Variants in ATP11B observed in about 807,000 individuals in gnomAD.
ATP11B encodes ATPase phospholipid transporting 11B (putative), also known as phospholipid-transporting ATPase IF.
A neutral mutation model predicts 157.8 loss-of-function variants in ATP11B; 81 were observed. The ratio of observed to expected loss-of-function variants is 0.51; its 90% CI spans 0.43 to 0.62. ATP11B has a LOEUF of 0.62. Among genes scored for constraint, ATP11B ranks in the 20% least tolerant of loss-of-function variants. The probability of loss-of-function intolerance (pLI) is 0.00; values close to 1 mark genes in which losing one functional copy is unlikely to be tolerated. For synonymous variants in ATP11B, 451 were observed against 469.4 expected (o/e 0.96, Z 0.51); for missense variants, 1,165 against 1,402.2 (o/e 0.83, Z 2.70).
At chr3:182,903,884 T>A (rs762054186) in intron 28 of ATP11B, among the ~76,000 whole-genome samples, 4 of 152,260 alleles carry the variant, frequency 2.6e-5, no homozygotes, top group Non-Finnish European at 5.9e-5. Context: ...AATTATATTT[T>A]TATGAAATCA....
Position 182,918,077 on chromosome 3 carries a change from C to G in ATP11B, c.3507C>G (p.Leu1169=). ...FYTNDRSILT[L]STMDSSTC Reference sequence around the variant, plus strand: ...CCAACGACAGGAGCATCTTGACTCTCTCCACAATGGACTCATCTACTTGTT... The same window carrying G: ...CCAACGACAGGAGCATCTTGACTCTGTCCACAATGGACTCATCTACTTGTT... Residue 1169 remains leucine, a synonymous_variant, in exon 30 of 30, where the codon CTC becomes CTG. Coordinates refer to ENST00000323116, the MANE Select transcript of ATP11B (RefSeq NM_014616.3). 1 of 1,613,488 alleles carries G rather than the reference C, an allele frequency of 6.2e-7. No individual in the cohort carries two copies. Among genetic ancestry groups the G allele is most frequent in the South Asian group, 1.1e-5 (1 of 91,002 alleles).
chr3:182,893,432 C>T (rs1049463669), intron 25 of ATP11B, among the ~76,000 whole-genome samples: 1 of 152,100 alleles, frequency 6.6e-6, no homozygotes. Context: ...TGAGTGAGAA[C>T]ATAAGATGTT....
At chr3:182,797,369 T>C (rs1328769089) in intron 1 of ATP11B, among the ~76,000 whole-genome samples, 2 of 152,198 alleles carry the variant, frequency 1.3e-5, no homozygotes, top group Non-Finnish European at 2.9e-5. Flanking sequence ...GTAGAGTTAT[T>C]CTTACGTATA....
chr3:182,880,229 T>G (rs770882677), intron 20 of ATP11B, among the ~76,000 whole-genome samples: 11 of 152,218 alleles, frequency 7.2e-5, no homozygotes, highest in Non-Finnish European at 1.6e-4. Context: ...CAAATATCCT[T>G]TGCAGTGCAC....
chr3:182,820,082 C>T (rs1446205706), intron 1 of ATP11B, among the ~76,000 whole-genome samples, 178 bp from the exon 2 acceptor site: 1 of 151,740 alleles, frequency 6.6e-6, no homozygotes, highest in Non-Finnish European at 1.5e-5. Flanking sequence ...TACCTGTTTA[C>T]CTGTGAAAGA....
At chr3:182,888,212 C>T (rs1319908267) in intron 24 of ATP11B, among the ~76,000 whole-genome samples, 1 of 152,148 alleles carries the variant, frequency 6.6e-6, no homozygotes, top group Non-Finnish European at 1.5e-5. Flanking sequence ...ATGGTATTCA[C>T]CATAAGCTCT....
intron 28 of ATP11B, among the ~76,000 whole-genome samples, chr3:182,911,550 G>C (rs1042111999): frequency 6.6e-6 from 1 of 152,068 alleles, no homozygotes; most frequent in Non-Finnish European, 1.5e-5. Flanking sequence ...TGATCATGAT[G>C]CCTATTCCTA....
chr3:182,807,696 G>T (rs983503997), intron 1 of ATP11B, among the ~76,000 whole-genome samples: 3 of 151,990 alleles, frequency 2.0e-5, no homozygotes, highest in Non-Finnish European at 2.9e-5. Context: ...ATCTATTAAG[G>T]TTATATTTTA....
At chr3:182,908,640 G>A (rs1417190459) in intron 28 of ATP11B, 1 of 152,184 alleles carries the variant, frequency 6.6e-6, no homozygotes, top group East Asian at 1.9e-4. Context: ...TTAGAAGAGT[G>A]AATATGAGCT....
intron 10 of ATP11B, among the ~76,000 whole-genome samples, chr3:182,856,047 A>T (rs1019931796): frequency 1.3e-5 from 2 of 152,178 alleles, no homozygotes; most frequent in African/African-American, 4.8e-5. Flanking sequence ...ACTCAGAGAA[A>T]TGAATTTTAT....
intron 29 of ATP11B, chr3:182,914,760 G>A: frequency 1.0e-6 from 1 of 985,238 alleles, no homozygotes; most frequent in Non-Finnish European, 1.2e-6. Flanking sequence ...ATTTAAACTT[G>A]CAATGGATTT....
rs1388919841 is a variant in ATP11B at position 182,793,729 on chromosome 3, C to G, written c.-31C>G. The G allele has an allele frequency of 7.1e-7, 1 of 1,401,220 alleles. No homozygotes were observed. Among genetic ancestry groups the G allele is most frequent in the Non-Finnish European group, 9.3e-7 (1 of 1,070,664 alleles). The allele number at this position is 1,401,220 out of a possible 1,614,324, so 86.8% of individuals were successfully genotyped here. A position where few individuals can be genotyped will look rare whatever the true frequency, so the allele number is the denominator to read the frequency against. On this transcript the variant is annotated 5_prime_UTR_variant, in exon 1 of 30. Transcript: ENST00000323116. ...ACCTGCAGCCCCGCGGCCCCCGCGC[C>G]CCGCGGGACCCGGACGGCGACGACG... is the stretch of plus-strand genomic sequence containing the variant.
At chr3:182,901,697 C>T (rs1995805) in intron 28 of ATP11B, among the ~76,000 whole-genome samples, 72,900 of 152,064 alleles carry the variant, frequency 0.48, 20,307 homozygotes, top group African/African-American at 0.77. Flanking sequence ...GTGATAATAT[C>T]AGTTCTTGTT....
Position 182,859,442 on chromosome 3 carries a change from T to C in ATP11B, c.1200+83T>C, listed in dbSNP as rs571902986. 6.4e-6 allele frequency: 8 copies of C among 1,241,186 alleles called. No homozygotes were observed. The Admixed American group carries it at 2.4e-4, about 37-fold the overall frequency. 76.9% of individuals were successfully genotyped at this position (1,241,186 alleles called of 1,614,324 possible). A position where few individuals can be genotyped will look rare whatever the true frequency, so the allele number is the denominator to read the frequency against. Reference sequence around the variant, plus strand: ...ATGGACAAAGATTAATGTAACAAGGTATTATGATGCTTATACCAAAAACAA... The same window carrying C: ...ATGGACAAAGATTAATGTAACAAGGCATTATGATGCTTATACCAAAAACAA... On this transcript the variant is annotated intron_variant, in intron 12 of 29. Transcript: ENST00000323116.
chr3:182,837,241 A>G, intron 7 of ATP11B, 67 bp downstream of exon 7: 2 of 1,174,778 alleles, frequency 1.7e-6, no homozygotes, highest in Non-Finnish European at 2.4e-6. Flanking sequence ...AAATAACCAT[A>G]AACATAAAAT....
intron 20 of ATP11B, among the ~76,000 whole-genome samples, chr3:182,880,624 T>C (rs1722356324): frequency 6.6e-6 from 1 of 152,160 alleles, no homozygotes; most frequent in South Asian, 2.1e-4. Context: ...ATATTTAAGC[T>C]ATATTTAAAA....
At chr3:182,871,021 G>A (rs772477456) in intron 17 of ATP11B, among the ~76,000 whole-genome samples, 3 of 152,028 alleles carry the variant, frequency 2.0e-5, no homozygotes, top group Non-Finnish European at 4.4e-5. Context: ...TTATTATGGG[G>A]CTCAGCACAG....
At position 182,921,244 on chromosome 3, in the gene ATP11B, G is replaced by A. The variant is rs1347410670; in HGVS notation, c.*3140G>A. The A allele has an allele frequency of 3.9e-5, 6 of 152,118 alleles. No individual in the cohort carries two copies. The highest frequency in any genetic ancestry group is 7.2e-5 in the African/African-American group (3 of 41,426). 9.4% of individuals were successfully genotyped at this position (152,118 alleles called of 1,614,324 possible). On this transcript the variant is annotated 3_prime_UTR_variant, in exon 30 of 30. Coordinates refer to ENST00000323116, the MANE Select transcript of ATP11B (RefSeq NM_014616.3). ...TAAAAATAACACACCAAAGAGTTAC[G>A]TAAAACATGTTTTATTAATTTTGGT... is the stretch of plus-strand genomic sequence containing the variant.
chr3:182,850,260 G>A (rs1206439471), intron 10 of ATP11B, among the ~76,000 whole-genome samples: 1 of 152,166 alleles, frequency 6.6e-6, no homozygotes, highest in Non-Finnish European at 1.5e-5. Flanking sequence ...ATCACTTGAG[G>A]TCAGGAGTTC....
Sources: allele counts gnomAD v4.1 joint callset (sites outside exome capture counted in the v4.1 genomes callset), GRCh38; gene constraint gnomAD v4.1.1; transcripts MANE v1.5; gene names NCBI Gene and HGNC (gene_info 2026-07-23, HGNC 2026-07-21).